Variants in CSNK1A1 observed in about 807,000 individuals in gnomAD.
The protein encoded by CSNK1A1 is casein kinase I isoform alpha.
In CSNK1A1, 7 loss-of-function variants were observed where a neutral mutation model predicts 46.1. The ratio of observed to expected loss-of-function variants is 0.15; its 90% CI spans 0.09 to 0.29. CSNK1A1 has a LOEUF of 0.29. Among genes scored for constraint, CSNK1A1 ranks in the 10% least tolerant of loss-of-function variants. The probability of loss-of-function intolerance (pLI) is 1.00; values close to 1 mark genes in which losing one functional copy is unlikely to be tolerated. For synonymous variants in CSNK1A1, 137 were observed against 141.5 expected (o/e 0.97, Z 0.23); for missense variants, 96 against 417.1 (o/e 0.23, Z 6.71).
intron 2 of CSNK1A1, among the ~76,000 whole-genome samples, chr5:149,538,038 T>TTC (rs1283653214): frequency 6.8e-6 from 1 of 147,692 alleles, no homozygotes; most frequent in African/African-American, 2.5e-5. Context: ...TTTTTTTTTT[T>TTC]TGAGACGGAG....
In CSNK1A1 at chr5:149,548,333, G is replaced by T. The variant is rs141794379; in HGVS notation, c.230+1742C>A. On this transcript the variant is annotated intron_variant, in intron 2 of 9. Transcript: ENST00000377843. ...TATAATCCCAGCACTTTGGGAGGCT[G>T]AGGCAGGTGGATCACCTGAGGTCAG... is the stretch of plus-strand genomic sequence containing the variant. Among the ~76,000 whole-genome samples the T allele has an allele frequency of 2.9e-3, 447 of 152,256 alleles. 3 individuals carry two copies. Among genetic ancestry groups the T allele is most frequent in the African/African-American group, 0.011 (439 of 41,566 alleles).
chr5:149,550,794 A>T lies in CSNK1A1; in HGVS notation c.123+48T>A. Reference sequence around the variant, plus strand: ...GGGGGTGCACGGTGGTGGTGGGGGGAATGAGTAAAAGCGCAGCGTTATCGT... The same window carrying T: ...GGGGGTGCACGGTGGTGGTGGGGGGTATGAGTAAAAGCGCAGCGTTATCGT... On this transcript the variant is annotated intron_variant, in intron 1 of 9. Transcript: ENST00000377843. This position sits in a 1 kb window ranked among gnomAD's most constrained non-coding sequence, Gnocchi z 4.3. The T allele has an allele frequency of 6.2e-7, 1 of 1,610,896 alleles. No individual in the cohort carries two copies. Among genetic ancestry groups the T allele is most frequent in the Non-Finnish European group, 8.5e-7 (1 of 1,178,240 alleles).
chr5:149,523,045 CT>C (rs35068425), intron 3 of CSNK1A1, among the ~76,000 whole-genome samples: 218 of 145,504 alleles, frequency 1.5e-3, no homozygotes, highest in African/African-American at 3.3e-3. Context: ...ATATTAAAGG[CT>C]TTTTTTTTTT....
At chr5:149,501,568 A>C in intron 9 of CSNK1A1, 1 of 985,236 alleles carries the variant, frequency 1.0e-6, no homozygotes, top group South Asian at 4.7e-5. Flanking sequence ...ATCCCCTCTG[A>C]ATGTCAATAC....
chr5:149,547,980 C>A (rs922891784), intron 2 of CSNK1A1, among the ~76,000 whole-genome samples: 4 of 152,056 alleles, frequency 2.6e-5, no homozygotes, highest in African/African-American at 9.7e-5. Context: ...AAGCTATTCT[C>A]CTGCTTCAGC....
intron 2 of CSNK1A1, among the ~76,000 whole-genome samples, chr5:149,543,996 T>C (rs898164903): frequency 1.3e-5 from 2 of 152,232 alleles, no homozygotes; most frequent in Non-Finnish European, 2.9e-5. Flanking sequence ...ATGCTTTTTT[T>C]CTAGCTACTA....
intron 4 of CSNK1A1, 108 bp downstream of exon 4, chr5:149,520,182 C>T: frequency 1.5e-6 from 1 of 655,504 alleles, no homozygotes; most frequent in Non-Finnish European, 2.6e-6. Context: ...CAACTGTCAA[C>T]AGCAAATTCA....
rs1407239380 is a variant in CSNK1A1 at position 149,542,656 on chromosome 5, A to G, written c.230+7419T>C. Among the ~76,000 whole-genome samples, 37 of 6,468 alleles carry G rather than the reference A, an allele frequency of 5.7e-3. 3 individuals carry two copies. The highest frequency in any genetic ancestry group is 0.027 in the African/African-American group (31 of 1,140). The allele number at this position is 6,468 out of a possible 152,430, so 4.2% of individuals were successfully genotyped here. A position where few individuals can be genotyped will look rare whatever the true frequency, so the allele number is the denominator to read the frequency against. On this transcript the variant is annotated intron_variant, in intron 2 of 9. Coordinates refer to ENST00000377843, the MANE Select transcript of CSNK1A1 (RefSeq NM_001892.6). ...TATATATATGTATATATATATATAT[A>G]TATATATATATATATGTATATATAT...
At position 149,551,032 on chromosome 5, in the gene CSNK1A1, G is replaced by A. The variant is rs1561777898; in HGVS notation, c.-68C>T. ...TCTGGGAAGAGGACGGAGGCCTCGG[G>A]GCTCCTACACTAGGCAAGGCTACGG... On this transcript the variant is annotated 5_prime_UTR_variant, in exon 1 of 10. Transcript: ENST00000377843. The A allele has an allele frequency of 1.3e-6, 2 of 1,586,660 alleles. No homozygotes were observed. Among genetic ancestry groups the A allele is most frequent in the East Asian group, 2.2e-5 (1 of 44,702 alleles).
intron 6 of CSNK1A1, 87 bp from the exon 7 acceptor site, chr5:149,510,040 T>A: frequency 1.3e-6 from 1 of 779,844 alleles, no homozygotes; most frequent in Non-Finnish European, 1.9e-6. Flanking sequence ...TATAAACATA[T>A]ACCTGTGAGA....
At chr5:149,498,838 A>G (rs895978381) in intron 9 of CSNK1A1, 2 of 985,328 alleles carry the variant, frequency 2.0e-6, no homozygotes, top group African/African-American at 3.5e-5. Flanking sequence ...GTCAGTCAAA[A>G]TACAAGGAAA....
chr5:149,538,336 A>G (rs867091188), intron 2 of CSNK1A1, among the ~76,000 whole-genome samples: 62 of 151,958 alleles, frequency 4.1e-4, no homozygotes, highest in Admixed American at 3.3e-3. Context: ...AGTTTCTTAA[A>G]CTGTGACTGG....
In CSNK1A1 at chr5:149,517,892, G is replaced by T; in HGVS notation, c.456+2398C>A. On this transcript the variant is annotated intron_variant, in intron 4 of 9. Coordinates refer to ENST00000377843, the MANE Select transcript of CSNK1A1 (RefSeq NM_001892.6). This position sits in a 1 kb window ranked among gnomAD's most constrained non-coding sequence, Gnocchi z 4.4. ...GATTCTAAACACTAAACAGACAATA[G>T]AGGGTGGCAGTGCATCAAACAGTAT... 1 of 1,535,978 alleles carries T rather than the reference G, an allele frequency of 6.5e-7. No individual in the cohort carries two copies. Among genetic ancestry groups the T allele is most frequent in the Non-Finnish European group, 8.9e-7 (1 of 1,117,746 alleles).
At position 149,507,011 on chromosome 5, in the gene CSNK1A1, T is replaced by C; in HGVS notation, c.857+16A>G. On this transcript the variant is annotated intron_variant, in intron 8 of 9. Coordinates refer to ENST00000377843, the MANE Select transcript of CSNK1A1 (RefSeq NM_001892.6). ...CCTCACAGAGTTTATAATCTTAAAATACCTTAAAAACTGACCTGAAAAGAA... is the reference window on the plus strand; with the variant it reads ...CCTCACAGAGTTTATAATCTTAAAACACCTTAAAAACTGACCTGAAAAGAA... The C allele has an allele frequency of 6.3e-7, 1 of 1,590,456 alleles. No individual in the cohort carries two copies. The highest frequency in any genetic ancestry group is 8.6e-7 in the Non-Finnish European group (1 of 1,165,186).
chr5:149,547,639 CA>C (rs756034381), intron 2 of CSNK1A1, among the ~76,000 whole-genome samples: 30 of 151,184 alleles, frequency 2.0e-4, no homozygotes, highest in Non-Finnish European at 3.7e-4. Context: ...GAAAGCAAAT[CA>C]GGGGTGAGGG....
chr5:149,502,255 G>T, intron 9 of CSNK1A1: 14 of 941,966 alleles, frequency 1.5e-5, no homozygotes, highest in Non-Finnish European at 1.8e-5. Context: ...AGATTTACTT[G>T]CTTAAAATAC....
At chr5:149,546,241 A>G (rs1248142739) in intron 2 of CSNK1A1, among the ~76,000 whole-genome samples, 1 of 151,996 alleles carries the variant, frequency 6.6e-6, no homozygotes. Context: ...CTTCTTAACA[A>G]TAGGTCTCTC....
chr5:149,503,670 T>C (rs541400903), intron 9 of CSNK1A1: 1 of 985,430 alleles, frequency 1.0e-6, no homozygotes, highest in African/African-American at 1.7e-5. Flanking sequence ...CCAATGAAAC[T>C]AACTCAGTGG....
Position 149,530,046 on chromosome 5 carries a change from C to T in CSNK1A1, c.231-4875G>A, listed in dbSNP as rs536400376. Among the ~76,000 whole-genome samples the T allele has an allele frequency of 1.1e-4, 16 of 151,950 alleles. No homozygotes were observed. In the South Asian group the frequency reaches 3.3e-3, roughly 32 times the overall value. On this transcript the variant is annotated intron_variant, in intron 2 of 9. Transcript: ENST00000377843. ...TGTAATTATTGTAATATGCACTTTA[C>T]CCAAATATATGTTAGTTCCATCACC... is the stretch of plus-strand genomic sequence containing the variant.
Sources: gnomAD v4.1 joint callset for allele counts (sites outside exome capture counted in the v4.1 genomes callset) on GRCh38, gnomAD v4.1.1 for gene constraint, Gnocchi (gnomAD v3.1) non-coding constraint, MANE v1.5 for transcripts, NCBI Gene and HGNC (gene_info 2026-07-23, HGNC 2026-07-21) for gene names.